The following GPN3 variants were observed in gnomAD, a reference collection of about 807,000 sequenced individuals.
GPN3 encodes the protein ATP-binding domain 1 family member C.
Under a neutral mutation model 38.7 loss-of-function variants are expected in GPN3, and 31 were observed. The observed-to-expected ratio is 0.80, with a 90% CI of 0.60 to 1.08. The LOEUF (loss-of-function observed/expected upper bound fraction) is 1.08. Among genes scored for constraint, GPN3 ranks in the 50% least tolerant of loss-of-function variants. The pLI, the probability that GPN3 is intolerant of heterozygous loss-of-function variation, is 0.00. For missense variants in GPN3, 301 were observed against 354.4 expected (o/e 0.85, Z 1.21); for synonymous variants, 116 against 120.2 (o/e 0.96, Z 0.23).
chr12:110,461,452 T>C (rs1200549973), intron 2 of GPN3: 2 of 560,466 alleles, frequency 3.6e-6, no homozygotes, highest in East Asian at 6.0e-5. Context: ...ATAGAAAAAT[T>C]AGTCAGGTGT....
chr12:110,465,164 A>T lies in GPN3; in HGVS notation c.99T>A (p.Ser33=), dbSNP rs145589793. Residue 33 remains serine, a synonymous_variant, in exon 2 of 8, where the codon TCT becomes TCA. Coordinates refer to ENST00000228827, the MANE Select transcript of GPN3 (RefSeq NM_016301.4). ...MVQHCEALNR[S]VQVVNLDPAA... ...CTGGATCCAGGTTTACAACTTGGAC[A>T]GACCGGTTGAGGGCTTCACAGTGCT... The T allele has an allele frequency of 1.5e-5, 24 of 1,612,190 alleles. No homozygotes were observed. Among genetic ancestry groups the T allele is most frequent in the Non-Finnish European group, 2.0e-5 (24 of 1,178,304 alleles).
At position 110,455,795 on chromosome 12, in the gene GPN3, T is replaced by C. The variant is rs367650460; in HGVS notation, c.566+20A>G. 4.8e-6 allele frequency: 6 copies of C among 1,246,340 alleles called. No homozygotes were observed. Among genetic ancestry groups the C allele is most frequent in the African/African-American group, 1.5e-5 (1 of 68,072 alleles). 77.2% of individuals were successfully genotyped at this position (1,246,340 alleles called of 1,614,324 possible). On this transcript the variant is annotated intron_variant, in intron 5 of 7. Coordinates refer to ENST00000228827, the MANE Select transcript of GPN3 (RefSeq NM_016301.4). ...CTCTGCAACTGAGATCTGATAATAA[T>C]GGAAGAACAGTGAACTCACTTCTCA... is the stretch of plus-strand genomic sequence containing the variant.
chr12:110,456,334 A>C (rs1226004661), intron 4 of GPN3, among the ~76,000 whole-genome samples: 3 of 151,336 alleles, frequency 2.0e-5, no homozygotes, highest in Non-Finnish European at 4.4e-5. Context: ...GGTCTCAAAA[A>C]AAAAAAAAAA....
rs190172209 is a variant in GPN3 at position 110,458,032 on chromosome 12, C to T, written c.326-398G>A. ...GTGGGATGCTGAGGCACAAGAATTG[C>T]TTAAACCCGGGAGGAGGAGGCTGCA... On this transcript the variant is annotated intron_variant, in intron 3 of 7. Transcript: ENST00000228827. The surrounding 1 kb of genome is among the most constrained non-coding windows in gnomAD (Gnocchi z 4.4). 1.5e-3 allele frequency among the ~76,000 whole-genome samples: 230 copies of T among 152,112 alleles called. No individual in the cohort carries two copies. The highest frequency in any genetic ancestry group is 2.6e-3 in the Non-Finnish European group (176 of 67,980).
chr12:110,457,457 CAAAAAAAAAA>C lies in GPN3; in HGVS notation c.450+43_450+52del, dbSNP rs56713819. ...ACAGAGTAAGACTCTGTCACACACA[CAAAAAAAAAA>C]AAAAAAAAAAAAAAAAAATCTGTAA... On this transcript the variant is annotated intron_variant, in intron 4 of 7. Coordinates refer to ENST00000228827, the MANE Select transcript of GPN3 (RefSeq NM_016301.4). 1.4e-4 allele frequency: 82 copies of C among 590,722 alleles called. No homozygotes were observed. In the African/African-American group the frequency reaches 2.9e-3, roughly 21 times the overall value. The allele number at this position is 590,722 out of a possible 1,614,324, so 36.6% of individuals were successfully genotyped here. A position where few individuals can be genotyped will look rare whatever the true frequency, so the allele number is the denominator to read the frequency against.
intron 5 of GPN3, 45 bp from the exon 6 acceptor site, chr12:110,455,727 TA>T: frequency 9.5e-7 from 1 of 1,051,506 alleles, no homozygotes; most frequent in Non-Finnish European, 1.5e-6. Context: ...ACTAGGTTTA[TA>T]AACCAGCCAA....
intron 2 of GPN3, among the ~76,000 whole-genome samples, chr12:110,462,784 T>A (rs2062598436): frequency 6.6e-6 from 1 of 150,730 alleles, no homozygotes; most frequent in Non-Finnish European, 1.5e-5. Context: ...TGAGACGGAG[T>A]CTCGCTCTGT....
Position 110,468,172 on chromosome 12 carries a change from G to A in GPN3, c.32C>T (p.Pro11Leu). MPRYAQLVMG[P>L]AGSGKSTYCA... ...GATCCTCACCTTCCCGCTGCCCGCG[G>A]GGCCCATGACCAGCTGCGCATACCG... The change falls in exon 1 of 8, where the codon CCC becomes CTC. Residue 11 changes from proline (P) to leucine (L), a missense_variant. Transcript: ENST00000228827. 1 of 1,613,096 alleles carries A rather than the reference G, an allele frequency of 6.2e-7. No individual in the cohort carries two copies.
chr12:110,463,669 C>T (rs1408566577), intron 2 of GPN3, among the ~76,000 whole-genome samples: 2 of 141,592 alleles, frequency 1.4e-5, no homozygotes, highest in African/African-American at 2.7e-5. Flanking sequence ...CATGGTGGCA[C>T]GCATCTGTAG....
In GPN3 at chr12:110,457,482, A is replaced by T. The variant is rs1466324593; in HGVS notation, c.450+28T>A. ...CAAAAAAAAAAAAAAAAAAAAAAAAAAAATCTGTAAGAGATTTAGCTTCAG... is the reference window on the plus strand; with the variant it reads ...CAAAAAAAAAAAAAAAAAAAAAAAATAAATCTGTAAGAGATTTAGCTTCAG... On this transcript the variant is annotated intron_variant, in intron 4 of 7. Transcript: ENST00000228827. 1.2e-5 allele frequency: 17 copies of T among 1,467,886 alleles called. No homozygotes were observed. In the East Asian group the frequency reaches 2.4e-4, roughly 21 times the overall value. The allele number at this position is 1,467,886 out of a possible 1,614,324, so 90.9% of individuals were successfully genotyped here. A position where few individuals can be genotyped will look rare whatever the true frequency, so the allele number is the denominator to read the frequency against.
At chr12:110,468,690 A>T (rs2062656543), upstream of GPN3, 2 of 1,525,778 alleles carry the variant, frequency 1.3e-6, no homozygotes, top group East Asian at 4.9e-5. Context: ...AAACGTGCAA[A>T]CGCTCAGCGA....
rs779030739 is a variant in GPN3, at chr12:110,453,109, A to T, written c.793-13T>A. 7.7e-7 allele frequency: 1 copy of T among 1,291,188 alleles called. No homozygotes were observed. The highest frequency in any genetic ancestry group is 1.2e-5 in the South Asian group (1 of 82,630). 80.0% of individuals were successfully genotyped at this position (1,291,188 alleles called of 1,614,324 possible). A position where few individuals can be genotyped will look rare whatever the true frequency, so the allele number is the denominator to read the frequency against. ...CATCTTCACGTTCCTGACACAATGG[A>T]AACACAAAATAGAAAATATATTCAT... On this transcript the variant is annotated splice_polypyrimidine_tract_variant and intron_variant, in intron 7 of 7. Coordinates refer to ENST00000228827, the MANE Select transcript of GPN3 (RefSeq NM_016301.4).
chr12:110,454,826 C>CT (rs796526202), intron 6 of GPN3, among the ~76,000 whole-genome samples: 1,725 of 144,086 alleles, frequency 0.012, 41 homozygotes, highest in African/African-American at 0.039. Flanking sequence ...CCATGCCTGG[C>CT]TTTTTTTTTT....
intron 2 of GPN3, chr12:110,461,352 T>C (rs2062588139): frequency 2.6e-6 from 2 of 780,002 alleles, no homozygotes; most frequent in Non-Finnish European, 4.5e-6. Context: ...ACAATGTCGA[T>C]GAGAACTAAT....
intron 1 of GPN3, among the ~76,000 whole-genome samples, chr12:110,467,536 G>A (rs1394686402): frequency 6.6e-6 from 1 of 152,154 alleles, no homozygotes; most frequent in East Asian, 1.9e-4. Flanking sequence ...TCTCTGAAAA[G>A]ACCTGGGGAT....
intron 2 of GPN3, among the ~76,000 whole-genome samples, chr12:110,463,772 G>A (rs1185165758): frequency 1.3e-5 from 2 of 148,658 alleles, no homozygotes; most frequent in African/African-American, 5.0e-5. Context: ...GACAGAGCTG[G>A]ACCCTGTCTC....
At chr12:110,453,347 T>G (rs1204433188) in intron 7 of GPN3, among the ~76,000 whole-genome samples, 1 of 152,186 alleles carries the variant, frequency 6.6e-6, no homozygotes, top group Non-Finnish European at 1.5e-5. Context: ...TCAAGACGAT[T>G]CTTGGCTAAT....
intron 2 of GPN3, among the ~76,000 whole-genome samples, chr12:110,460,676 T>C (rs1592964579): frequency 6.6e-6 from 1 of 151,794 alleles, no homozygotes; most frequent in African/African-American, 2.4e-5. Context: ...ACTAAAAATA[T>C]AGAAATTAGG....
chr12:110,455,649 T>G lies in GPN3; in HGVS notation c.600A>C (p.Glu200Asp), dbSNP rs745356800. 9 of 1,390,008 alleles carry G rather than the reference T, an allele frequency of 6.5e-6. No individual in the cohort carries two copies. Among genetic ancestry groups the G allele is most frequent in the Non-Finnish European group, 5.1e-6 (5 of 977,386 alleles). The allele number at this position is 1,390,008 out of a possible 1,614,324, so 86.1% of individuals were successfully genotyped here. A position where few individuals can be genotyped will look rare whatever the true frequency, so the allele number is the denominator to read the frequency against. ...FLDPDMYSLL[E>D]DSTSDLRSKK... ...TGCTTCTTAAGTCACTTGTAGAATC[T>G]TCTAATAAAGAATACATGTCTGGAT... The change falls in exon 6 of 8, where the codon GAA becomes GAC. Residue 200 changes from glutamate to aspartate, a missense_variant. By Grantham distance (45) the Glu-to-Asp change is conservative. Coordinates refer to ENST00000228827, the MANE Select transcript of GPN3 (RefSeq NM_016301.4).
Sources: allele counts gnomAD v4.1 joint callset (sites outside exome capture counted in the v4.1 genomes callset), GRCh38; gene constraint gnomAD v4.1.1; non-coding constraint Gnocchi (gnomAD v3.1); transcripts MANE v1.5; gene names NCBI Gene and HGNC (gene_info 2026-07-23, HGNC 2026-07-21).